The following RBFOX1 variants were observed in gnomAD, a reference collection of about 807,000 sequenced individuals.
RBFOX1 encodes RNA binding protein fox-1 homolog 1.
A neutral mutation model predicts 57.7 loss-of-function variants in RBFOX1; 8 were observed. The observed-to-expected ratio is 0.14, with a 90% confidence interval of 0.08 to 0.25. The LOEUF (loss-of-function observed/expected upper bound fraction) is 0.25. RBFOX1 is among the 10% of genes least tolerant of loss of function. The pLI, the probability that RBFOX1 is intolerant of heterozygous loss-of-function variation, is 1.00. For synonymous variants in RBFOX1, 326 were observed against 222.4 expected (o/e 1.47, Z -4.15); for missense variants, 611 against 548.5 (o/e 1.11, Z -1.14).
intron 4 of RBFOX1, among the ~76,000 whole-genome samples, chr16:5,945,724 C>T (rs184126997): frequency 2.0e-5 from 3 of 152,358 alleles, no homozygotes; most frequent in Non-Finnish European, 2.9e-5. Flanking sequence ...TGCAAACCTC[C>T]ACTGTCCATC....
intron 3 of RBFOX1, among the ~76,000 whole-genome samples, chr16:5,856,187 C>CTCTCTCTCTCTCTCTCTATATA: frequency 3.2e-5 from 1 of 31,068 alleles, no homozygotes; most frequent in African/African-American, 1.4e-4. Flanking sequence ...CTCTCTCTCT[C>CTCTCTCTCTCTCTCTCTATATA]TATATATATA....
chr16:5,443,878 G>C (rs2068162076), intron 1 of RBFOX1, among the ~76,000 whole-genome samples: 1 of 152,070 alleles, frequency 6.6e-6, no homozygotes, highest in Non-Finnish European at 1.5e-5. Flanking sequence ...TCTTTTTAAA[G>C]CTTGACTCTG....
chr16:7,462,888 T>C (rs2059833910), intron 4 of RBFOX1, among the ~76,000 whole-genome samples: 1 of 152,200 alleles, frequency 6.6e-6, no homozygotes. Context: ...GAGAAAGTTG[T>C]CCACCTTGAA....
chr16:7,610,139 T>TTTTTTTTTTTTTTTTGG (rs2057174916), intron 10 of RBFOX1, among the ~76,000 whole-genome samples: 4 of 127,614 alleles, frequency 3.1e-5, no homozygotes, highest in South Asian at 2.6e-4. Context: ...TTTTTTTTTT[T>TTTTTTTTTTTTTTTTGG]GAGGCAGTTT....
intron 4 of RBFOX1, among the ~76,000 whole-genome samples, chr16:7,076,338 T>C (rs749802670): frequency 2.0e-5 from 3 of 152,146 alleles, no homozygotes; most frequent in Non-Finnish European, 2.9e-5. Flanking sequence ...GGCCATTTTT[T>C]TCTTTATGGT....
chr16:5,482,892 C>G (rs765960597), intron 2 of RBFOX1, among the ~76,000 whole-genome samples: 3 of 152,066 alleles, frequency 2.0e-5, no homozygotes, highest in Non-Finnish European at 4.4e-5. Flanking sequence ...ATCCTTAAGG[C>G]CAAACAAAAA....
At chr16:6,893,426 C>G (rs1216995454) in intron 3 of RBFOX1, among the ~76,000 whole-genome samples, 1 of 152,194 alleles carries the variant, frequency 6.6e-6, no homozygotes, top group Non-Finnish European at 1.5e-5. Context: ...GAAACTACCT[C>G]ATTCATCAAA....
At chr16:7,259,871 G>GC (rs2094848623) in intron 4 of RBFOX1, among the ~76,000 whole-genome samples, 1 of 152,124 alleles carries the variant, frequency 6.6e-6, no homozygotes, top group South Asian at 2.1e-4. Flanking sequence ...TGTATTAGGT[G>GC]CTTAATATAT....
chr16:5,606,078 G>T (rs1289015164), intron 3 of RBFOX1, among the ~76,000 whole-genome samples: 1 of 152,126 alleles, frequency 6.6e-6, no homozygotes, highest in Non-Finnish European at 1.5e-5. Context: ...GTCTCTAGTT[G>T]ACCCACTGTC....
At chr16:5,950,300 G>A (rs529835969) in intron 4 of RBFOX1, among the ~76,000 whole-genome samples, 1 of 152,302 alleles carries the variant, frequency 6.6e-6, no homozygotes, top group South Asian at 2.1e-4. Context: ...CACCCAGGAA[G>A]CCAGCCCTGC....
At chr16:5,529,742 A>T (rs2044389383) in intron 2 of RBFOX1, among the ~76,000 whole-genome samples, 1 of 151,790 alleles carries the variant, frequency 6.6e-6, no homozygotes, top group Non-Finnish European at 1.5e-5. Context: ...AATTTTTTGT[A>T]TTTTTAGTAG....
downstream of RBFOX1, among the ~76,000 whole-genome samples, chr16:5,602,004 G>C (rs2047381600): frequency 6.6e-6 from 1 of 152,192 alleles, no homozygotes; most frequent in African/African-American, 2.4e-5. Context: ...AGGCTGTAGA[G>C]TCTTCTAGGT....
intron 2 of RBFOX1, among the ~76,000 whole-genome samples, chr16:5,556,131 T>C (rs2045665941): frequency 6.6e-6 from 1 of 152,260 alleles, no homozygotes; most frequent in African/African-American, 2.4e-5. Context: ...AGAATTTATA[T>C]TGAGGAAATA....
chr16:6,335,864 C>G (rs774024116), intron 2 of RBFOX1, among the ~76,000 whole-genome samples: 4 of 148,762 alleles, frequency 2.7e-5, no homozygotes, highest in Non-Finnish European at 5.9e-5. Flanking sequence ...AGTCAGAGAA[C>G]CTGCATTGTG....
chr16:6,934,052 G>A (rs1026406217), intron 3 of RBFOX1, among the ~76,000 whole-genome samples: 11 of 152,302 alleles, frequency 7.2e-5, no homozygotes, highest in Middle Eastern at 3.4e-3. Context: ...GCTGCTGTCC[G>A]AGAGGCCTTG....
chr16:7,084,837 G>T (rs557935173), intron 4 of RBFOX1, among the ~76,000 whole-genome samples: 7 of 151,174 alleles, frequency 4.6e-5, no homozygotes, highest in Admixed American at 2.6e-4. Flanking sequence ...TGGCAATCTT[G>T]TCTGTCTGTC....
chr16:6,056,338 T>G (rs1429428596), intron 1 of RBFOX1, among the ~76,000 whole-genome samples: 3 of 152,200 alleles, frequency 2.0e-5, no homozygotes, highest in Non-Finnish European at 4.4e-5. Context: ...AGCAAAAGAT[T>G]CTAATGAGTT....
intron 4 of RBFOX1, among the ~76,000 whole-genome samples, chr16:7,309,166 C>T (rs76587391): frequency 0.072 from 10,933 of 152,238 alleles, 589 homozygotes; most frequent in Non-Finnish European, 0.1. Context: ...GGATGTCTTA[C>T]GTCGTAAATT....
In RBFOX1 at chr16:7,579,789, G is replaced by A. The variant is rs746656660; in HGVS notation, c.283G>A (p.Ala95Thr). The change falls in exon 6 of 16, where the codon GCA becomes ACA. Residue 95 changes from alanine to threonine, a missense_variant. By Grantham distance (58) the Ala-to-Thr change is moderately conservative. Around this residue, in one of 3 missense-constraint regions of RBFOX1, gnomAD observed 245 missense variants for 159.1 expected, o/e 1.54. Coordinates refer to ENST00000550418, the MANE Select transcript of RBFOX1 (RefSeq NM_018723.4). ...CTTGTTCTTTTAGCAGACAGATGACGCAGCACCGACGGATGGCCAGCCCCA... is the reference window on the plus strand; with the variant it reads ...CTTGTTCTTTTAGCAGACAGATGACACAGCACCGACGGATGGCCAGCCCCA... ...VSGTATQTDD[A>T]APTDGQPQTQ... 1.1e-5 allele frequency: 17 copies of A among 1,613,890 alleles called. No individual in the cohort carries two copies. Among genetic ancestry groups the A allele is most frequent in the Middle Eastern group, 1.6e-4 (1 of 6,082 alleles).
Sources: gnomAD v4.1 joint callset for allele counts (sites outside exome capture counted in the v4.1 genomes callset) on GRCh38, gnomAD v4.1.1 for gene constraint, gnomAD v4.1.1 regional missense constraint, MANE v1.5 for transcripts, NCBI Gene and HGNC (gene_info 2026-07-23, HGNC 2026-07-21) for gene names.